TGFBRAP1: variants seen among roughly 807,000 people sequenced by gnomAD.
TGFBRAP1 encodes transforming growth factor beta receptor associated protein 1, also known as transforming growth factor-beta receptor-associated protein 1.
A neutral mutation model predicts 83.2 loss-of-function variants in TGFBRAP1; 20 were observed. The ratio of observed to expected loss-of-function variants is 0.24; its 90% CI spans 0.17 to 0.35. TGFBRAP1 has a LOEUF of 0.35. Ranked by LOEUF, TGFBRAP1 falls within the 10% of genes least tolerant of loss-of-function variation. The pLI is 1.00. For missense variants in TGFBRAP1, 950 were observed against 1,099.4 expected (o/e 0.86, Z 1.92); for synonymous variants, 415 against 459.8 (o/e 0.90, Z 1.25).
rs1285376678 is a variant in TGFBRAP1, at chr2:105,265,803, A to G, written c.*1580T>C. ...GGTGCCAATTCCCCCCAAACAACAC[A>G]TGGATGTTTTTGCTTCTTGACCCAC... On this transcript the variant is annotated 3_prime_UTR_variant, in exon 12 of 12. Transcript: ENST00000393359. 6.6e-6 allele frequency: 1 copy of G among 152,230 alleles called. No homozygotes were observed. The highest frequency in any genetic ancestry group is 2.4e-5 in the African/African-American group (1 of 41,456). The allele number at this position is 152,230 out of a possible 1,614,324, so 9.4% of individuals were successfully genotyped here.
At chr2:105,300,588 C>A (rs1196534691) in intron 2 of TGFBRAP1, among the ~76,000 whole-genome samples, 1 of 152,026 alleles carries the variant, frequency 6.6e-6, no homozygotes, top group Non-Finnish European at 1.5e-5. Flanking sequence ...AGACATGCAC[C>A]ACCATGCCTG....
chr2:105,288,369 G>A (rs898214317), intron 4 of TGFBRAP1, among the ~76,000 whole-genome samples: 2 of 152,084 alleles, frequency 1.3e-5, no homozygotes, highest in African/African-American at 2.4e-5. Flanking sequence ...CAGGGCTCTC[G>A]GCTATGGCTA....
intron 9 of TGFBRAP1, 28 bp from the exon 10 acceptor site, chr2:105,273,042 A>G (rs1395684892): frequency 1.2e-6 from 2 of 1,601,890 alleles, no homozygotes; most frequent in African/African-American, 1.3e-5. Context: ...AGCCAAGCAG[A>G]CAGACAGTGT....
intron 1 of TGFBRAP1, among the ~76,000 whole-genome samples, chr2:105,316,458 T>TGC (rs1356366345): frequency 5.1e-4 from 34 of 67,062 alleles, no homozygotes; most frequent in Admixed American, 8.0e-4. Flanking sequence ...TGTGTGTGTG[T>TGC]GTGTGCGCGC....
rs1320525513 is a variant in TGFBRAP1, at chr2:105,267,113, T to C, written c.*270A>G. 3 of 393,656 alleles carry C rather than the reference T, an allele frequency of 7.6e-6. No individual in the cohort carries two copies. Among genetic ancestry groups the C allele is most frequent in the African/African-American group, 2.0e-5 (1 of 49,352 alleles). 24.4% of individuals were successfully genotyped at this position (393,656 alleles called of 1,614,324 possible). A position where few individuals can be genotyped will look rare whatever the true frequency, so the allele number is the denominator to read the frequency against. The stretch of plus-strand genomic sequence containing the variant: ...AGTAGACCTCTGTCTTGGATTACTA[T>C]GTACCTGGACAGGTGAACTCTTGTA... On this transcript the variant is annotated 3_prime_UTR_variant, in exon 12 of 12. Transcript: ENST00000393359.
At chr2:105,284,166 G>A in intron 5 of TGFBRAP1, 150 bp downstream of exon 5, 1 of 669,218 alleles carries the variant, frequency 1.5e-6, no homozygotes, top group Admixed American at 2.3e-5. Flanking sequence ...GCATTGGCGG[G>A]GTCTGCTGTC....
At chr2:105,314,396 G>A (rs1402755283) in intron 1 of TGFBRAP1, among the ~76,000 whole-genome samples, 1 of 151,338 alleles carries the variant, frequency 6.6e-6, no homozygotes, top group African/African-American at 2.4e-5. Context: ...GACTACAGGC[G>A]CCTGCCACCA....
chr2:105,292,095 C>T (rs561998726), intron 4 of TGFBRAP1, among the ~76,000 whole-genome samples: 1 of 152,256 alleles, frequency 6.6e-6, no homozygotes, highest in Admixed American at 6.5e-5. Flanking sequence ...ACAGTGTCCC[C>T]ATATTCCCAT....
At chr2:105,256,679 A>G in the TGFBRAP1 span, among the ~76,000 whole-genome samples, 1 of 152,180 alleles carries the variant, frequency 6.6e-6, no homozygotes, top group Admixed American at 6.5e-5. Flanking sequence ...TGCATTTTCC[A>G]TGTATGTTAG....
the TGFBRAP1 span, among the ~76,000 whole-genome samples, chr2:105,257,570 A>C: frequency 6.6e-6 from 1 of 152,156 alleles, no homozygotes; most frequent in Non-Finnish European, 1.5e-5. Flanking sequence ...AGATTCATCC[A>C]TATTGTAGTG....
At chr2:105,304,848 G>A (rs1348611188) in intron 2 of TGFBRAP1, among the ~76,000 whole-genome samples, 2 of 152,074 alleles carry the variant, frequency 1.3e-5, no homozygotes, top group African/African-American at 2.4e-5. Context: ...GCTACATACT[G>A]TATGGTCCCA....
chr2:105,297,176 T>C (rs539704074), intron 3 of TGFBRAP1, among the ~76,000 whole-genome samples: 14 of 152,340 alleles, frequency 9.2e-5, no homozygotes, highest in African/African-American at 3.4e-4. Flanking sequence ...AGATTAAAAC[T>C]GGCTCCCTTC....
At chr2:105,308,981 T>C (rs1282555841) in intron 1 of TGFBRAP1, among the ~76,000 whole-genome samples, 1 of 152,176 alleles carries the variant, frequency 6.6e-6, no homozygotes, top group Non-Finnish European at 1.5e-5. Flanking sequence ...AGTAAATGTA[T>C]TCATGTGGAG....
At position 105,280,574 on chromosome 2, in the gene TGFBRAP1, C is replaced by T. The variant is rs1281114088; in HGVS notation, c.1271G>A (p.Cys424Tyr). The T allele has an allele frequency of 1.9e-6, 3 of 1,613,974 alleles. No homozygotes were observed. Among genetic ancestry groups the T allele is most frequent in the African/African-American group, 2.7e-5 (2 of 74,884 alleles). The change falls in exon 6 of 12, where the codon TGC (cysteine) becomes TAC (tyrosine). Residue 424 changes from cysteine to tyrosine, a missense_variant. Physicochemically the swap from Cys to Tyr is radical, Grantham distance 194 (BLOSUM62 -2). Coordinates refer to ENST00000393359, the MANE Select transcript of TGFBRAP1 (RefSeq NM_004257.6). ...CAGGTAGCTCATGAGGAAGCGTTTG[C>T]ACTTGGCCATCTTCTCCTGGTCCCC... is the stretch of plus-strand genomic sequence containing the variant. ...TQGDQEKMAK[C>Y]KRFLMSYLNE...
At chr2:105,304,992 T>C (rs992448141) in intron 2 of TGFBRAP1, among the ~76,000 whole-genome samples, 2 of 152,170 alleles carry the variant, frequency 1.3e-5, no homozygotes, top group Non-Finnish European at 2.9e-5. Flanking sequence ...GAAAGGATTA[T>C]GAATGACACT....
At chr2:105,274,520 T>A (rs1677271705) in intron 8 of TGFBRAP1, among the ~76,000 whole-genome samples, 1 of 152,216 alleles carries the variant, frequency 6.6e-6, no homozygotes, top group African/African-American at 2.4e-5. Context: ...GGGGCTGCTA[T>A]GATGTTTAAG....
intron 2 of TGFBRAP1, among the ~76,000 whole-genome samples, chr2:105,303,270 A>G (rs1276406887): frequency 6.6e-6 from 1 of 152,226 alleles, no homozygotes; most frequent in Non-Finnish European, 1.5e-5. Context: ...TTTCTAAAAG[A>G]ATAAAATAAA....
chr2:105,305,906 C>T (rs949469333), intron 2 of TGFBRAP1, among the ~76,000 whole-genome samples: 1 of 152,050 alleles, frequency 6.6e-6, no homozygotes, highest in Non-Finnish European at 1.5e-5. Context: ...CTGCCTGCTT[C>T]GGCATCCCAA....
chr2:105,273,069 C>A, intron 9 of TGFBRAP1, 55 bp from the exon 10 acceptor site: 1 of 1,584,470 alleles, frequency 6.3e-7, no homozygotes, highest in South Asian at 1.1e-5. Context: ...GTGGGAAAGT[C>A]AAAGCTCTCC....
Sources: allele counts gnomAD v4.1 joint callset (sites outside exome capture counted in the v4.1 genomes callset), GRCh38; gene constraint gnomAD v4.1.1; transcripts MANE v1.5; gene names NCBI Gene and HGNC (gene_info 2026-07-23, HGNC 2026-07-21).